The following RARB variants were observed in gnomAD, a reference collection of about 807,000 sequenced individuals.
The protein encoded by RARB is retinoic acid receptor beta, also known as HBV-activated protein.
In RARB, 17 loss-of-function variants were observed where a neutral mutation model predicts 51.9. The ratio of observed to expected loss-of-function variants is 0.33; its 90% confidence interval spans 0.22 to 0.49. The LOEUF (loss-of-function observed/expected upper bound fraction) is 0.49. Ranked by LOEUF, RARB falls within the 20% of genes least tolerant of loss-of-function variation. The pLI, the probability that RARB is intolerant of heterozygous loss-of-function variation, is 0.99. For synonymous variants in RARB, 215 were observed against 195.4 expected, an observed-to-expected ratio of 1.10 and a Z score of -0.84; for missense variants, 369 against 550.8, an observed-to-expected ratio of 0.67 and a Z score of 3.30.
At chr3:25,222,776 C>A (rs76759089) in intron 5 of RARB, among the ~76,000 whole-genome samples, 2 of 152,212 alleles carry the variant, frequency 1.3e-5, no homozygotes, top group African/African-American at 4.8e-5. Flanking sequence ...ACTGGAAATA[C>A]AGTAACATTC....
intron 3 of RARB, among the ~76,000 whole-genome samples, chr3:25,115,753 C>T (rs1167297481): frequency 1.3e-5 from 2 of 151,822 alleles, no homozygotes; most frequent in African/African-American, 4.8e-5. Context: ...CCTCAAGCTC[C>T]TGGGCTCAAA....
intron 2 of RARB, among the ~76,000 whole-genome samples, chr3:24,958,479 A>G (rs141991770): frequency 6.6e-6 from 1 of 152,068 alleles, no homozygotes; most frequent in East Asian, 1.9e-4. Flanking sequence ...GAGCCATTAA[A>G]ATTCTCTCAC....
In RARB at chr3:25,228,771, A is replaced by AG. The variant is rs548645319; in HGVS notation, c.178+54198dup. 2.2e-3 allele frequency among the ~76,000 whole-genome samples: 334 copies of AG among 152,228 alleles called. 4 individuals carry two copies. The highest frequency in any genetic ancestry group is 7.6e-3 in the African/African-American group (317 of 41,544). On this transcript the variant is annotated intron_variant, in intron 5 of 11. Coordinates refer to the RARB transcript ENST00000383772. ...TAAGCATTAATAAAAGCACACATGC[A>AG]GGAAGTAAGTTGAGAGTAGCATGGA...
intron 2 of RARB, among the ~76,000 whole-genome samples, chr3:24,922,072 A>G (rs547963440): frequency 6.6e-6 from 1 of 152,284 alleles, no homozygotes; most frequent in Admixed American, 6.5e-5. Flanking sequence ...CTAAGGTGTC[A>G]TTTCTCCATG....
intron 5 of RARB, among the ~76,000 whole-genome samples, chr3:25,235,718 G>A (rs1004720879): frequency 1.3e-5 from 2 of 152,188 alleles, no homozygotes; most frequent in African/African-American, 2.4e-5. Context: ...GAAGACATGC[G>A]TGCGAGCACA....
intron 2 of RARB, among the ~76,000 whole-genome samples, chr3:24,905,152 A>G (rs1033368226): frequency 6.6e-6 from 1 of 152,080 alleles, no homozygotes; most frequent in Non-Finnish European, 1.5e-5. Context: ...AAAATAACCA[A>G]AGCCTTTACC....
At position 25,571,371 on chromosome 3, in the gene RARB, A is replaced by C. The variant is rs570596940; in HGVS notation, c.609+1453A>C. Among the ~76,000 whole-genome samples, 5 of 152,364 alleles carry C rather than the reference A, an allele frequency of 3.3e-5. No homozygotes were observed. In the East Asian group the frequency reaches 9.6e-4, roughly 29 times the overall value. On this transcript the variant is annotated intron_variant, in intron 4 of 7. Coordinates refer to ENST00000330688, the MANE Select transcript of RARB (RefSeq NM_000965.5). Reference sequence around the variant, plus strand: ...CAGGCTGCTTATGCTGCTGGTCTGCAGACCAGACTCTGAAGAGCAAATGAG... The same window carrying C: ...CAGGCTGCTTATGCTGCTGGTCTGCCGACCAGACTCTGAAGAGCAAATGAG...
chr3:25,398,120 T>C (rs1452020936), intron 5 of RARB, among the ~76,000 whole-genome samples: 1 of 152,116 alleles, frequency 6.6e-6, no homozygotes, highest in East Asian at 1.9e-4. Flanking sequence ...ATCCAGGCAC[T>C]AGTTTCCACC....
chr3:25,048,624 C>G (rs1044495214), intron 2 of RARB, among the ~76,000 whole-genome samples: 7 of 152,044 alleles, frequency 4.6e-5, no homozygotes, highest in Non-Finnish European at 7.4e-5. Flanking sequence ...AGTGGTTTCT[C>G]TGGCCAAAAG....
intron 5 of RARB, among the ~76,000 whole-genome samples, chr3:25,176,927 G>C (rs1296234563): frequency 6.6e-6 from 1 of 152,148 alleles, no homozygotes; most frequent in Non-Finnish European, 1.5e-5. Context: ...CCTTTGAAAA[G>C]CGAGGGTTTG....
chr3:25,085,049 G>A (rs1699079258), intron 3 of RARB, among the ~76,000 whole-genome samples: 1 of 152,088 alleles, frequency 6.6e-6, no homozygotes, highest in Admixed American at 6.6e-5. Flanking sequence ...ATAAGCTATA[G>A]ATTAATAGGA....
chr3:25,048,331 G>C (rs760593953), intron 2 of RARB, among the ~76,000 whole-genome samples: 1 of 152,132 alleles, frequency 6.6e-6, no homozygotes, highest in Admixed American at 6.5e-5. Flanking sequence ...GATCTAAATA[G>C]CTATACCTTG....
Position 25,061,954 on chromosome 3 carries a change from G to GA in RARB, c.-328+1784dup, listed in dbSNP as rs1470305957. ...TGAAATCAGTAGAACAGCACATCTGGAAAAAATCTAAATATTGGAATTTAA... is the reference window on the plus strand; with the variant it reads ...TGAAATCAGTAGAACAGCACATCTGGAAAAAAATCTAAATATTGGAATTTAA... On this transcript the variant is annotated intron_variant, in intron 3 of 11. Transcript: ENST00000383772. 4.6e-5 allele frequency among the ~76,000 whole-genome samples: 7 copies of GA among 151,778 alleles called. No individual in the cohort carries two copies. In the East Asian group the frequency reaches 1.2e-3, roughly 25 times the overall value.
intron 5 of RARB, among the ~76,000 whole-genome samples, chr3:25,286,120 T>C (rs1703646679): frequency 7.4e-6 from 1 of 135,352 alleles, no homozygotes; most frequent in Non-Finnish European, 1.5e-5. Flanking sequence ...TGAGACGGAG[T>C]CTCTGTCACC....
intron 5 of RARB, among the ~76,000 whole-genome samples, chr3:25,191,003 C>T (rs1701090986): frequency 6.6e-6 from 1 of 152,114 alleles, no homozygotes; most frequent in South Asian, 2.1e-4. Context: ...TAACTCTTTT[C>T]CTCCTTAGGT....
intron 5 of RARB, among the ~76,000 whole-genome samples, chr3:25,352,977 T>C (rs1323002476): frequency 6.6e-6 from 1 of 152,212 alleles, no homozygotes; most frequent in African/African-American, 2.4e-5. Context: ...TATGAAGTCA[T>C]TGAAAAGCCA....
chr3:25,045,285 T>C lies in RARB; in HGVS notation c.-379-14840T>C, dbSNP rs192232585. 4.7e-4 allele frequency among the ~76,000 whole-genome samples: 71 copies of C among 152,320 alleles called. 1 individual carries two copies. The highest frequency in any genetic ancestry group is 1.6e-3 in the African/African-American group (68 of 41,568). ...TTTATAGATAGGTCAGTGAGCTTTC[T>C]GGTTTCCCTCTCCCTTTCTTCTCTC... On this transcript the variant is annotated intron_variant, in intron 2 of 11. Transcript: ENST00000383772.
chr3:24,898,102 A>G (rs760354701), intron 2 of RARB, among the ~76,000 whole-genome samples: 60 of 152,066 alleles, frequency 3.9e-4, no homozygotes, highest in Admixed American at 9.8e-4. Flanking sequence ...TAGAAAGGCC[A>G]TGGAGTTAGG....
intron 5 of RARB, among the ~76,000 whole-genome samples, chr3:25,227,087 TAGG>T (rs1020296604): frequency 1.3e-5 from 2 of 152,210 alleles, no homozygotes; most frequent in African/African-American, 4.8e-5. Flanking sequence ...AGATGTTGCT[TAGG>T]AGACATGCAG....
Sources: allele counts gnomAD v4.1 joint callset (sites outside exome capture counted in the v4.1 genomes callset), GRCh38; gene constraint gnomAD v4.1.1; transcripts MANE v1.5; gene names NCBI Gene and HGNC (gene_info 2026-07-23, HGNC 2026-07-21).